Variants in KCNH8 observed in about 807,000 individuals in gnomAD.
KCNH8 encodes the protein voltage-gated delayed rectifier potassium channel KCNH8.
Under a neutral mutation model 103.6 loss-of-function variants are expected in KCNH8, and 70 were observed. The ratio of observed to expected loss-of-function variants is 0.68; its 90% CI spans 0.56 to 0.82. KCNH8 has a LOEUF of 0.82. KCNH8 is among the 40% of genes least tolerant of loss of function. KCNH8 has a pLI of 0.00. For missense variants in KCNH8, 1,217 were observed against 1,329.9 expected, an observed-to-expected ratio of 0.92 and a Z score of 1.32; for synonymous variants, 498 against 489.4, an observed-to-expected ratio of 1.02 and a Z score of -0.23.
At chr3:19,341,788 T>G (rs992052365) in intron 3 of KCNH8, among the ~76,000 whole-genome samples, 6 of 152,136 alleles carry the variant, frequency 3.9e-5, no homozygotes, top group Admixed American at 3.9e-4. Context: ...ATTCATTTGA[T>G]AGTTTATAGT....
At chr3:19,205,222 C>CA (rs914016165) in intron 1 of KCNH8, among the ~76,000 whole-genome samples, 8 of 151,014 alleles carry the variant, frequency 5.3e-5, no homozygotes, top group Non-Finnish European at 1.0e-4. Flanking sequence ...ATTTCAATGG[C>CA]AAAAAAAATG....
chr3:19,526,303 C>A (rs1011823674), intron 15 of KCNH8, among the ~76,000 whole-genome samples: 1 of 151,806 alleles, frequency 6.6e-6, no homozygotes. Context: ...AAATGGAAAC[C>A]ACATTTTTTC....
At chr3:19,162,093 A>C (rs1397874381) in intron 1 of KCNH8, among the ~76,000 whole-genome samples, 2 of 152,168 alleles carry the variant, frequency 1.3e-5, no homozygotes, top group South Asian at 2.1e-4. Context: ...ATTTTATTTG[A>C]AATCACTTGA....
chr3:19,288,181 C>CTTTTTTTTTTTTT (rs767659898), intron 3 of KCNH8, among the ~76,000 whole-genome samples: 2 of 38,176 alleles, frequency 5.2e-5, no homozygotes, highest in African/African-American at 1.9e-4. Flanking sequence ...TATCAAACTT[C>CTTTTTTTTTTTTT]TTTTTTTTTT....
chr3:19,405,416 A>G (rs2066676932), intron 7 of KCNH8, among the ~76,000 whole-genome samples: 1 of 151,894 alleles, frequency 6.6e-6, no homozygotes, highest in African/African-American at 2.4e-5. Flanking sequence ...TTTTAGAAAG[A>G]CAATCATATA....
rs1181448806 is a variant in KCNH8, at chr3:19,533,620, C to T, written c.2845C>T (p.Leu949Phe). The T allele has an allele frequency of 1.2e-6, 2 of 1,614,080 alleles. No homozygotes were observed. Among genetic ancestry groups the T allele is most frequent in the Non-Finnish European group, 1.7e-6 (2 of 1,180,042 alleles). ...CGGGGCTGCTTATACCCAAGCACAA[C>T]TTTGTAGCAGTAATATCACCTCAGA... ...TGGAAYTQAQ[L>F]CSSNITSDIW... is the part of the protein sequence containing the mutation. The change falls in exon 16 of 16, where the codon CTT (leucine) becomes TTT (phenylalanine). Residue 949 changes from leucine (L) to phenylalanine (F), a missense_variant. This residue lies in a region of KCNH8 where 558 missense variants were observed against 495.8 expected (regional missense o/e 1.13). Coordinates refer to ENST00000328405, the MANE Select transcript of KCNH8 (RefSeq NM_144633.3).
At chr3:19,477,121 GAGA>G (rs1184877003) in intron 11 of KCNH8, among the ~76,000 whole-genome samples, 1 of 152,138 alleles carries the variant, frequency 6.6e-6, no homozygotes, top group African/African-American at 2.4e-5. Context: ...CTTTTGCTGG[GAGA>G]AGAATTTTAG....
At chr3:19,530,713 T>C (rs949648691) in intron 15 of KCNH8, among the ~76,000 whole-genome samples, 10 of 152,216 alleles carry the variant, frequency 6.6e-5, no homozygotes, top group African/African-American at 2.4e-4. Context: ...TACCTTTCTG[T>C]GTCATTGTGC....
intron 11 of KCNH8, among the ~76,000 whole-genome samples, chr3:19,495,720 T>G (rs1458202532): frequency 6.6e-6 from 1 of 152,120 alleles, no homozygotes; most frequent in African/African-American, 2.4e-5. Context: ...TTAAATTTTT[T>G]TTTTTTTAAA....
chr3:19,328,656 T>G (rs908234930), intron 3 of KCNH8, among the ~76,000 whole-genome samples: 1 of 152,144 alleles, frequency 6.6e-6, no homozygotes, highest in South Asian at 2.1e-4. Flanking sequence ...ATAGCAATGA[T>G]TAGGGACAAG....
chr3:19,471,664 GAA>G (rs1231350826), intron 11 of KCNH8, among the ~76,000 whole-genome samples: 3 of 152,198 alleles, frequency 2.0e-5, no homozygotes, highest in African/African-American at 7.2e-5. Context: ...AATTAAGGAT[GAA>G]AGAGGAAAGA....
Position 19,513,336 on chromosome 3 carries a change from A to G in KCNH8, c.2435+11A>G, listed in dbSNP as rs575707377. On this transcript the variant is annotated intron_variant, in intron 13 of 15. Transcript: ENST00000328405. ...AGACCTCAGTCCAAGGTAAGAGTTC[A>G]TATCATATAACTTTCTCACGTGAAC... is the stretch of plus-strand genomic sequence containing the variant. 44 of 1,570,368 alleles carry G rather than the reference A, an allele frequency of 2.8e-5. 1 individual carries two copies. The East Asian group carries it at 4.7e-4, about 17-fold the overall frequency.
chr3:19,465,276 G>A (rs1299966276), intron 11 of KCNH8, among the ~76,000 whole-genome samples: 1 of 152,072 alleles, frequency 6.6e-6, no homozygotes, highest in African/African-American at 2.4e-5. Context: ...AAATCCTAGG[G>A]CCCTTAAGAA....
chr3:19,502,028 G>A (rs1261581677), intron 11 of KCNH8, among the ~76,000 whole-genome samples: 1 of 151,412 alleles, frequency 6.6e-6, no homozygotes, highest in Non-Finnish European at 1.5e-5. Context: ...AAACCCCATT[G>A]TCTCAGCCCA....
intron 4 of KCNH8, among the ~76,000 whole-genome samples, chr3:19,346,267 C>CG (rs2065726881): frequency 6.6e-6 from 1 of 152,066 alleles, no homozygotes; most frequent in South Asian, 2.1e-4. Context: ...AGAAGCCCAA[C>CG]GGGGCTACTT....
At chr3:19,233,258 A>G (rs534486089) in intron 1 of KCNH8, among the ~76,000 whole-genome samples, 1 of 152,296 alleles carries the variant, frequency 6.6e-6, no homozygotes, top group South Asian at 2.1e-4. Flanking sequence ...AGTTTGTAGC[A>G]GAAGAGTCAC....
chr3:19,263,672 A>T (rs2064466574), intron 2 of KCNH8, among the ~76,000 whole-genome samples: 1 of 152,074 alleles, frequency 6.6e-6, no homozygotes, highest in Non-Finnish European at 1.5e-5. Context: ...CATCTAGGAG[A>T]TTACATAGCA....
chr3:19,375,309 T>G (rs1214209797), intron 5 of KCNH8, among the ~76,000 whole-genome samples: 3 of 148,940 alleles, frequency 2.0e-5, no homozygotes. Context: ...TCATTTGTTT[T>G]TATTCTTTTT....
intron 7 of KCNH8, among the ~76,000 whole-genome samples, chr3:19,434,904 A>C (rs1361504560): frequency 6.6e-6 from 1 of 152,144 alleles, no homozygotes; most frequent in Non-Finnish European, 1.5e-5. Flanking sequence ...TGATCTCAAC[A>C]CAGCACAATT....
Sources: gnomAD v4.1 joint callset for allele counts (sites outside exome capture counted in the v4.1 genomes callset) on GRCh38, gnomAD v4.1.1 for gene constraint, gnomAD v4.1.1 regional missense constraint, MANE v1.5 for transcripts, NCBI Gene and HGNC (gene_info 2026-07-23, HGNC 2026-07-21) for gene names.